Variants in PTX3 observed in about 807,000 individuals in gnomAD.
PTX3 encodes pentraxin 3.
Under a neutral mutation model 23.5 loss-of-function variants are expected in PTX3, and 24 were observed. The observed-to-expected ratio is 1.02, with a 90% CI of 0.74 to 1.43. The LOEUF (loss-of-function observed/expected upper bound fraction) is 1.43. Ranked by LOEUF, PTX3 falls within the 40% of genes most tolerant of loss-of-function variation. PTX3 has a pLI of 0.00. For missense variants in PTX3, 510 were observed against 497.5 expected (o/e 1.02, Z -0.24); for synonymous variants, 218 against 205.4 (o/e 1.06, Z -0.53).
intron 2 of PTX3, 123 bp downstream of exon 2, chr3:157,438,037 G>GCACACACACACACA (rs781700719): frequency 4.1e-5 from 21 of 516,026 alleles, no homozygotes; most frequent in Admixed American, 4.3e-5. Flanking sequence ...GCGCGCGCGC[G>GCACACACACACACA]CACACACACA....
In PTX3 at chr3:157,442,876, T is replaced by C. The variant is rs781292518; in HGVS notation, c.1043T>C (p.Ile348Thr). The change falls in exon 3 of 3, where the codon ATA becomes ACA. Residue 348 changes from isoleucine to threonine, a missense_variant. Physicochemically the swap from Ile to Thr is moderately conservative, Grantham distance 89 (BLOSUM62 -1). Transcript: ENST00000295927. ...GATAGTGTTCTTAGCAATGAAGAGA[T>C]AAGAGAGACCGGAGGAGCAGAGTCT... ...IWDSVLSNEE[I>T]RETGGAESCH... is the part of the protein sequence containing the mutation. 8 of 1,614,136 alleles carry C rather than the reference T, an allele frequency of 5.0e-6. No homozygotes were observed. In the South Asian group the frequency reaches 7.7e-5, roughly 16 times the overall value.
intron 2 of PTX3, among the ~76,000 whole-genome samples, chr3:157,440,527 T>G (rs1282279898): frequency 6.6e-6 from 1 of 152,168 alleles, no homozygotes; most frequent in Non-Finnish European, 1.5e-5. Context: ...GCATATCTTC[T>G]TTAGGTTGTT....
chr3:157,442,437 A>T lies in PTX3; in HGVS notation c.604A>T (p.Met202Leu), dbSNP rs1268651864. The T allele has an allele frequency of 6.2e-7, 1 of 1,614,200 alleles. No homozygotes were observed. Among genetic ancestry groups the T allele is most frequent in the Non-Finnish European group, 8.5e-7 (1 of 1,180,028 alleles). The change falls in exon 3 of 3, where the codon ATG (methionine) becomes TTG (leucine). Residue 202 changes from methionine (M) to leucine (L), a missense_variant. Met to Leu is a conservative substitution (Grantham distance 15). Transcript: ENST00000295927. ...TGGAAGCGTGCATCCAGTGAGACCAATGAGGCTTGAGTCTTTTAGTGCCTG... is the reference window on the plus strand; with the variant it reads ...TGGAAGCGTGCATCCAGTGAGACCATTGAGGCTTGAGTCTTTTAGTGCCTG... The part of the protein sequence containing the change: ...IFGSVHPVRP[M>L]RLESFSACIW...
chr3:157,439,500 G>A (rs1439481274), intron 2 of PTX3, among the ~76,000 whole-genome samples: 1 of 152,180 alleles, frequency 6.6e-6, no homozygotes, highest in African/African-American at 2.4e-5. Flanking sequence ...TTTCATAAGA[G>A]AGTTTCTGAC....
Position 157,443,174 on chromosome 3 carries a change from A to G in PTX3, c.*195A>G. The G allele has an allele frequency of 1.6e-6, 1 of 622,278 alleles. No individual in the cohort carries two copies. Among genetic ancestry groups the G allele is most frequent in the Non-Finnish European group, 2.6e-6 (1 of 382,200 alleles). 38.5% of individuals were successfully genotyped at this position (622,278 alleles called of 1,614,324 possible). A position where few individuals can be genotyped will look rare whatever the true frequency, so the allele number is the denominator to read the frequency against. On this transcript the variant is annotated 3_prime_UTR_variant, in exon 3 of 3. Coordinates refer to ENST00000295927, the MANE Select transcript of PTX3 (RefSeq NM_002852.4). ...GGAAAGACATTGGAAAAAGCTTTTG[A>G]GGATAATGTTACTAGACTTTATGCC... is the stretch of plus-strand genomic sequence containing the variant.
chr3:157,442,063 G>T (rs1157374663), intron 2 of PTX3, among the ~76,000 whole-genome samples: 2 of 152,156 alleles, frequency 1.3e-5, no homozygotes, highest in Non-Finnish European at 2.9e-5. Context: ...AAGAAAATAT[G>T]CAAATTGGAA....
intron 2 of PTX3, among the ~76,000 whole-genome samples, chr3:157,440,341 G>C (rs929354172): frequency 6.6e-6 from 1 of 152,150 alleles, no homozygotes; most frequent in Non-Finnish European, 1.5e-5. Flanking sequence ...TAACACTAAA[G>C]GATAAGGTTC....
chr3:157,441,303 G>T (rs1444417650), intron 2 of PTX3, among the ~76,000 whole-genome samples: 1 of 152,112 alleles, frequency 6.6e-6, no homozygotes, highest in East Asian at 1.9e-4. Flanking sequence ...TTTTACCTAA[G>T]TTTTCTCATC....
At chr3:157,438,273 G>A (rs1378522786) in intron 2 of PTX3, among the ~76,000 whole-genome samples, 5 of 151,990 alleles carry the variant, frequency 3.3e-5, no homozygotes, top group African/African-American at 1.2e-4. Flanking sequence ...CGTTATAACC[G>A]TGATCCCTCT....
chr3:157,437,213 G>A, intron 1 of PTX3, 150 bp downstream of exon 1: 1 of 1,138,304 alleles, frequency 8.8e-7, no homozygotes. Context: ...GAAAGATGGA[G>A]GTTTCAAAGT....
chr3:157,437,650 G>C lies in PTX3; in HGVS notation c.268G>C (p.Glu90Gln), dbSNP rs1213784088. The change falls in exon 2 of 3, where the codon GAG becomes CAG. Residue 90 changes from glutamate (E) to glutamine (Q), a missense_variant. Transcript: ENST00000295927. ...GCGGGGCGAGCTGCAGAGGCTGCGG[G>C]AGGAGCTGGGCCGGCTCGCGGAAAG... ...VLRGELQRLREELGRLAESLA... is the reference protein window; with the variant it reads ...VLRGELQRLRQELGRLAESLA... 6.5e-7 allele frequency: 1 copy of C among 1,546,568 alleles called. No individual in the cohort carries two copies. The highest frequency in any genetic ancestry group is 8.7e-7 in the Non-Finnish European group (1 of 1,148,604).
intron 2 of PTX3, 123 bp downstream of exon 2, chr3:157,438,037 GCACACACACACACACA>G (rs781700719): frequency 1.4e-5 from 7 of 516,034 alleles, no homozygotes; most frequent in African/African-American, 8.3e-5. Context: ...GCGCGCGCGC[GCACACACACACACACA>G]CACACACACA....
At chr3:157,439,089 G>T (rs1388149452) in intron 2 of PTX3, among the ~76,000 whole-genome samples, 1 of 152,064 alleles carries the variant, frequency 6.6e-6, no homozygotes, top group Non-Finnish European at 1.5e-5. Context: ...ACTAAATAGG[G>T]CTTCAGAGGA....
intron 2 of PTX3, among the ~76,000 whole-genome samples, chr3:157,438,290 C>G (rs1041281970): frequency 1.3e-5 from 2 of 152,158 alleles, no homozygotes; most frequent in South Asian, 4.2e-4. Flanking sequence ...CTCTTGCCGC[C>G]CAGCTTCCCT....
Position 157,438,164 on chromosome 3 carries a change from C to A in PTX3, c.532+250C>A, listed in dbSNP as rs6803700. ...AAAAGTATTCCTCAGTCCTAAGGAG[C>A]CCTAAAGAGAGTTGTGGAGGTAACC... On this transcript the variant is annotated intron_variant, in intron 2 of 2. Coordinates refer to ENST00000295927, the MANE Select transcript of PTX3 (RefSeq NM_002852.4). Among the ~76,000 whole-genome samples, 1,312 of 152,038 alleles carry A rather than the reference C, an allele frequency of 8.6e-3. 15 individuals carry two copies. The highest frequency in any genetic ancestry group is 0.03 in the African/African-American group (1,253 of 41,472).
Position 157,437,754 on chromosome 3 carries a change from C to G in PTX3, c.372C>G (p.Thr124=). The G allele has an allele frequency of 6.7e-7, 1 of 1,490,250 alleles. No individual in the cohort carries two copies. Among genetic ancestry groups the G allele is most frequent in the Non-Finnish European group, 8.8e-7 (1 of 1,130,224 alleles). The allele number at this position is 1,490,250 out of a possible 1,614,324, so 92.3% of individuals were successfully genotyped here. A position where few individuals can be genotyped will look rare whatever the true frequency, so the allele number is the denominator to read the frequency against. The change falls in exon 2 of 3, where the codon ACC becomes ACG. Residue 124 remains threonine, a synonymous_variant. Transcript: ENST00000295927. ...TSALDELLQA[T]RDAGRRLARM... ...CTCTGGACGAGCTGCTGCAGGCGAC[C>G]CGCGACGCGGGCCGCAGGCTGGCGC...
chr3:157,438,401 T>A (rs1235135140), intron 2 of PTX3, among the ~76,000 whole-genome samples: 1 of 152,076 alleles, frequency 6.6e-6, no homozygotes, highest in Non-Finnish European at 1.5e-5. Flanking sequence ...CGTTTAGGGA[T>A]GTTTTCCAGC....
chr3:157,438,037 G>GCACACACACACACACA (rs781700719), intron 2 of PTX3, 123 bp downstream of exon 2: 6 of 516,028 alleles, frequency 1.2e-5, no homozygotes, highest in African/African-American at 2.8e-5. Flanking sequence ...GCGCGCGCGC[G>GCACACACACACACACA]CACACACACA....
chr3:157,442,459 C>T lies in PTX3; in HGVS notation c.626C>T (p.Ala209Val), dbSNP rs147237595. Residue 209 changes from alanine to valine, a missense_variant, in exon 3 of 3, where the codon GCC (alanine) becomes GTC (valine). Transcript: ENST00000295927. Reference sequence around the variant, plus strand: ...CCAATGAGGCTTGAGTCTTTTAGTGCCTGCATTTGGGTCAAAGCCACAGAT... The same window carrying T: ...CCAATGAGGCTTGAGTCTTTTAGTGTCTGCATTTGGGTCAAAGCCACAGAT... ...VRPMRLESFS[A>V]CIWVKATDVL... is the part of the protein sequence containing the mutation. 1.2e-6 allele frequency: 2 copies of T among 1,614,022 alleles called. No homozygotes were observed. The highest frequency in any genetic ancestry group is 1.7e-6 in the Non-Finnish European group (2 of 1,180,044).
Sources: gnomAD v4.1 joint callset for allele counts (sites outside exome capture counted in the v4.1 genomes callset) on GRCh38, gnomAD v4.1.1 for gene constraint, MANE v1.5 for transcripts, NCBI Gene and HGNC (gene_info 2026-07-23, HGNC 2026-07-21) for gene names.